CUX1: variants seen among roughly 807,000 people sequenced by gnomAD.
CUX1 encodes the protein protein CASP.
CUX1 carries 31 observed loss-of-function variants against 158.8 expected under a neutral mutation model. That is an observed-to-expected ratio of 0.20 (90% CI 0.15 to 0.26). The LOEUF (loss-of-function observed/expected upper bound fraction) is 0.26, where lower values mean the gene tolerates loss of function less well. Ranked by LOEUF, CUX1 falls within the 10% of genes least tolerant of loss-of-function variation. CUX1 has a pLI of 1.00. For missense variants in CUX1, 1,589 were observed against 2,014.6 expected (o/e 0.79, Z 4.04); for synonymous variants, 879 against 862.1 (o/e 1.02, Z -0.34).
chr7:102,128,629 T>G (rs1554496175), intron 8 of CUX1, among the ~76,000 whole-genome samples: 1 of 151,690 alleles, frequency 6.6e-6, no homozygotes, highest in African/African-American at 2.4e-5. Flanking sequence ...CCCAACTCCA[T>G]GAATTATGTA....
intron 1 of CUX1, among the ~76,000 whole-genome samples, chr7:101,903,430 T>A (rs1802376348): frequency 6.6e-6 from 1 of 152,156 alleles, no homozygotes; most frequent in Admixed American, 6.5e-5. Flanking sequence ...TGGGGAGCAC[T>A]GCGTGTGCCT....
chr7:102,123,090 G>T (rs1041677043), intron 8 of CUX1, among the ~76,000 whole-genome samples: 6 of 152,098 alleles, frequency 3.9e-5, no homozygotes, highest in Non-Finnish European at 5.9e-5. Flanking sequence ...AATTAGCTGG[G>T]TGTGGTGGCG....
chr7:102,200,293 G>A (rs1432418161), intron 17 of CUX1, 121 bp downstream of exon 17: 2 of 726,328 alleles, frequency 2.8e-6, no homozygotes, highest in East Asian at 5.8e-5. Flanking sequence ...CTGTTCTCAA[G>A]CATTTAGGCA....
At chr7:102,012,387 C>T (rs1818138399) in intron 2 of CUX1, among the ~76,000 whole-genome samples, 1 of 152,124 alleles carries the variant, frequency 6.6e-6, no homozygotes, top group Non-Finnish European at 1.5e-5. Flanking sequence ...GGGGTTTCAC[C>T]ATGTAGGCCA....
intron 20 of CUX1, among the ~76,000 whole-genome samples, chr7:102,211,181 C>G (rs1796474704): frequency 6.6e-6 from 1 of 152,176 alleles, no homozygotes; most frequent in Non-Finnish European, 1.5e-5. Flanking sequence ...CGCGGTGGCT[C>G]ACACCTGTAA....
chr7:102,028,268 C>T lies in CUX1; in HGVS notation c.189+123C>T, dbSNP rs534493504. On this transcript the variant is annotated intron_variant, in intron 3 of 23. Coordinates refer to ENST00000292535, the MANE Select transcript of CUX1 (RefSeq NM_181552.4). ...CCAGATGGTGCCTTCCCGGCTGCTC[C>T]GACCCAGCGTCATGCAGATTTTGCG... 2.7e-5 allele frequency: 26 copies of T among 957,304 alleles called. No individual in the cohort carries two copies. In the African/African-American group the frequency reaches 3.1e-4, roughly 11 times the overall value. 59.3% of individuals were successfully genotyped at this position (957,304 alleles called of 1,614,324 possible).
intron 8 of CUX1, among the ~76,000 whole-genome samples, chr7:102,130,922 G>A (rs1554496976): frequency 6.6e-6 from 1 of 152,016 alleles, no homozygotes; most frequent in African/African-American, 2.4e-5. Context: ...ACTGTGGTGG[G>A]CAGATTGCCT....
At chr7:102,219,055 A>AACACACACACACACACACACACACACAC (rs3138788) in intron 20 of CUX1, among the ~76,000 whole-genome samples, 6 of 126,358 alleles carry the variant, frequency 4.7e-5, no homozygotes, top group East Asian at 3.0e-4. Flanking sequence ...CCTGCCTCAA[A>AACACACACACACACACACACACACACAC]ACACACACAC....
chr7:102,201,777 C>T lies in CUX1; in HGVS notation c.2480C>T (p.Ala827Val), dbSNP rs1795470530. Residue 827 changes from alanine (A) to valine (V), a missense_variant, in exon 18 of 24, where the codon GCG (alanine) becomes GTG (valine). Ala to Val is a moderately conservative substitution (Grantham distance 64). This residue lies in a region of CUX1 where 337 missense variants were observed against 409.3 expected (regional missense o/e 0.82). Transcript: ENST00000292535. This position sits in a 1 kb window ranked among gnomAD's most constrained non-coding sequence, Gnocchi z 5.0. The stretch of plus-strand genomic sequence containing the variant: ...GCCTGGAAGGACCACTGGTGGAGCG[C>T]GGTGCAGCCGGAGAGAAGAAATGCC... ...SGAWKDHWWSAVQPERRNAAS... is the reference protein window; with the variant it reads ...SGAWKDHWWSVVQPERRNAAS... 8.1e-6 allele frequency: 13 copies of T among 1,612,612 alleles called. No individual in the cohort carries two copies. Among genetic ancestry groups the T allele is most frequent in the South Asian group, 4.4e-5 (4 of 91,086 alleles).
intron 1 of CUX1, among the ~76,000 whole-genome samples, chr7:101,831,123 G>C (rs1793948297): frequency 6.6e-6 from 1 of 152,160 alleles, no homozygotes; most frequent in Admixed American, 6.5e-5. Flanking sequence ...TGTGTCTGCT[G>C]TGTGAACAGG....
intron 2 of CUX1, among the ~76,000 whole-genome samples, chr7:101,943,977 A>G (rs975245008): frequency 6.6e-6 from 1 of 151,936 alleles, no homozygotes; most frequent in African/African-American, 2.4e-5. Flanking sequence ...AAAAAAAAAA[A>G]AAAAAAGACA....
At chr7:102,268,296 C>G (rs1790953602) in intron 14 of CUX1, among the ~76,000 whole-genome samples, 1 of 152,234 alleles carries the variant, frequency 6.6e-6, no homozygotes, top group African/African-American at 2.4e-5. Context: ...TGCTCTTCCA[C>G]CAGTTCTGCC....
In CUX1 at chr7:102,216,766, CCACACACACTCTCCCA is replaced by C. The variant is rs1278977603; in HGVS notation, c.3131-10577_3131-10562del. On this transcript the variant is annotated intron_variant, in intron 20 of 23. Coordinates refer to ENST00000292535, the MANE Select transcript of CUX1 (RefSeq NM_181552.4). ...CACACTTCTGCACACACACACTCTT[CCACACACACTCTCCCA>C]CACACACACTCTCCCACACACACCC... Among the ~76,000 whole-genome samples the C allele has an allele frequency of 2.1e-3, 269 of 126,772 alleles. 1 individual carries two copies. Among genetic ancestry groups the C allele is most frequent in the African/African-American group, 7.3e-3 (250 of 34,382 alleles). The allele number at this position is 126,772 out of a possible 152,430, so 83.2% of individuals were successfully genotyped here. A position where few individuals can be genotyped will look rare whatever the true frequency, so the allele number is the denominator to read the frequency against.
intron 2 of CUX1, among the ~76,000 whole-genome samples, chr7:101,967,447 G>A (rs958921637): frequency 5.3e-5 from 8 of 152,196 alleles, no homozygotes; most frequent in African/African-American, 1.9e-4. Flanking sequence ...CTTCTCCAGT[G>A]GGAAAGATTC....
chr7:102,056,874 A>G (rs1328349511), intron 3 of CUX1, among the ~76,000 whole-genome samples: 2 of 143,228 alleles, frequency 1.4e-5, no homozygotes, highest in East Asian at 4.4e-4. Context: ...CGGCTGATAA[A>G]AAGATTTTTT....
At chr7:101,937,225 C>T (rs1477542565) in intron 2 of CUX1, among the ~76,000 whole-genome samples, 1 of 152,166 alleles carries the variant, frequency 6.6e-6, no homozygotes, top group Non-Finnish European at 1.5e-5. Flanking sequence ...CACCCCAGCC[C>T]CCAGCTCCTC....
chr7:101,959,945 C>T (rs536305582), intron 2 of CUX1, among the ~76,000 whole-genome samples: 1 of 152,300 alleles, frequency 6.6e-6, no homozygotes, highest in Admixed American at 6.5e-5. Context: ...TTGAAAAGAA[C>T]AGGTTTGCTG....
At chr7:101,949,126 C>CATT (rs748113946) in intron 2 of CUX1, among the ~76,000 whole-genome samples, 193 of 151,742 alleles carry the variant, frequency 1.3e-3, no homozygotes, top group Middle Eastern at 6.8e-3. Context: ...AAACATTGGT[C>CATT]ATTATTATTA....
intron 8 of CUX1, among the ~76,000 whole-genome samples, chr7:102,125,010 G>T (rs1554494708): frequency 6.6e-6 from 1 of 152,100 alleles, no homozygotes; most frequent in African/African-American, 2.4e-5. Flanking sequence ...TCGATCTCCT[G>T]ACCTCAGGTG....
Sources: allele counts gnomAD v4.1 joint callset (sites outside exome capture counted in the v4.1 genomes callset), GRCh38; gene constraint gnomAD v4.1.1; regional missense constraint gnomAD v4.1.1; non-coding constraint Gnocchi (gnomAD v3.1); transcripts MANE v1.5; gene names NCBI Gene and HGNC (gene_info 2026-07-23, HGNC 2026-07-21).